Variants in FGF14 observed in about 807,000 individuals in gnomAD.
FGF14 encodes fibroblast growth factor homologous factor 4.
In FGF14, 5 loss-of-function variants were observed where a neutral mutation model predicts 25.5. The observed-to-expected ratio is 0.20, with a 90% CI of 0.10 to 0.41. The LOEUF is 0.41. Among genes scored for constraint, FGF14 ranks in the 10% least tolerant of loss-of-function variants. The pLI is 1.00. For synonymous variants in FGF14, 138 were observed against 118.3 expected (o/e 1.17, Z -1.08); for missense variants, 222 against 320.1 (o/e 0.69, Z 2.34).
Position 101,803,138 on chromosome 13 carries a change from T to C in FGF14, c.408+65587A>G, listed in dbSNP as rs1306040516. Among the ~76,000 whole-genome samples the C allele has an allele frequency of 2.6e-5, 4 of 151,688 alleles. No homozygotes were observed. The East Asian group carries it at 5.8e-4, about 22-fold the overall frequency. The stretch of plus-strand genomic sequence containing the variant: ...GCTGTCATTTTGAAACTTTTTTTTT[T>C]TTTTTTTTGAGACAAGGTCCTTCTC... On this transcript the variant is annotated intron_variant, in intron 3 of 4. Transcript: ENST00000376143.
chr13:101,760,521 C>T (rs2037950930), intron 3 of FGF14, among the ~76,000 whole-genome samples: 1 of 152,162 alleles, frequency 6.6e-6, no homozygotes, highest in African/African-American at 2.4e-5. Flanking sequence ...CAGTGTTTCA[C>T]GTGCTCAAAG....
chr13:102,211,833 G>C (rs2050174207), intron 1 of FGF14, among the ~76,000 whole-genome samples: 1 of 152,184 alleles, frequency 6.6e-6, no homozygotes, highest in Non-Finnish European at 1.5e-5. Context: ...AAGCACTCTA[G>C]ATCGCTTTTC....
rs111299979 is a variant in FGF14 at position 101,714,766 on chromosome 13, T to C, written c.*8065A>G. 3.4e-4 allele frequency: 183 copies of C among 536,062 alleles called. 2 individuals are homozygous for C. Among genetic ancestry groups the C allele is most frequent in the African/African-American group, 3.1e-3 (161 of 52,692 alleles). 33.2% of individuals were successfully genotyped at this position (536,062 alleles called of 1,614,324 possible). On this transcript the variant is annotated 3_prime_UTR_variant, in exon 5 of 5. Transcript: ENST00000376143. ...GAATACAAGAGAATGAAGCTAAATT[T>C]TGTGATTATTTGGGATCCTTCCACA...
intron 3 of FGF14, among the ~76,000 whole-genome samples, chr13:101,733,834 T>C (rs2035988054): frequency 6.6e-6 from 1 of 151,590 alleles, no homozygotes; most frequent in Admixed American, 6.6e-5. Flanking sequence ...GATACAATAA[T>C]TTATTTATTA....
At chr13:102,168,833 T>C (rs902270013) in intron 1 of FGF14, among the ~76,000 whole-genome samples, 3 of 152,148 alleles carry the variant, frequency 2.0e-5, no homozygotes, top group African/African-American at 7.2e-5. Flanking sequence ...CTCCTCGAAC[T>C]GTTTTAGTCA....
At chr13:102,223,506 T>C (rs114888953) in intron 1 of FGF14, among the ~76,000 whole-genome samples, 1,553 of 152,296 alleles carry the variant, frequency 0.01, 31 homozygotes, top group African/African-American at 0.034. Context: ...TCCCTCTTAT[T>C]TAGATTTGAT....
At chr13:101,844,319 T>C (rs1428576081) in intron 3 of FGF14, among the ~76,000 whole-genome samples, 1 of 152,018 alleles carries the variant, frequency 6.6e-6, no homozygotes, top group Admixed American at 6.6e-5. Flanking sequence ...AACATGTTTG[T>C]TGCACTCTCA....
chr13:102,315,625 CT>C (rs1207305594), intron 1 of FGF14, among the ~76,000 whole-genome samples: 3 of 152,160 alleles, frequency 2.0e-5, no homozygotes, highest in South Asian at 2.1e-4. Flanking sequence ...TTTTAGCTGT[CT>C]TGTAATCCTT....
At chr13:101,757,531 C>T (rs1160475577) in intron 3 of FGF14, among the ~76,000 whole-genome samples, 1 of 152,184 alleles carries the variant, frequency 6.6e-6, no homozygotes, top group African/African-American at 2.4e-5. Context: ...GTAAGAATCA[C>T]TTCTCAGCCT....
chr13:101,879,558 G>C (rs991586599), intron 1 of FGF14, among the ~76,000 whole-genome samples: 28 of 152,098 alleles, frequency 1.8e-4, no homozygotes, highest in African/African-American at 6.5e-4. Context: ...AGAAGAATCA[G>C]GATAACCAAT....
chr13:102,165,293 GACCCA>G (rs2047949826), intron 1 of FGF14, among the ~76,000 whole-genome samples: 3 of 151,934 alleles, frequency 2.0e-5, no homozygotes, highest in Non-Finnish European at 4.4e-5. Context: ...AATACCATTT[GACCCA>G]GCCATCCCAT....
chr13:101,757,590 C>G (rs764266663), intron 3 of FGF14, among the ~76,000 whole-genome samples: 1 of 152,152 alleles, frequency 6.6e-6, no homozygotes, highest in Non-Finnish European at 1.5e-5. Flanking sequence ...TATGAGATGG[C>G]TACAGAAGAT....
intron 1 of FGF14, among the ~76,000 whole-genome samples, chr13:102,184,760 G>T (rs1439841483): frequency 6.6e-6 from 1 of 152,162 alleles, no homozygotes; most frequent in Non-Finnish European, 1.5e-5. Flanking sequence ...GGGTTGGTAT[G>T]AGAGTTCAGA....
rs527638183 is a variant in FGF14, at chr13:102,174,260, G to A, written c.208+227211C>T. On this transcript the variant is annotated intron_variant, in intron 1 of 4. Transcript: ENST00000376131. ...AGCAATTCTCCTACCTCAGTCTCCC[G>A]AGTAGCTGGGATTACAGGAGCATGC... 2.8e-4 allele frequency among the ~76,000 whole-genome samples: 43 copies of A among 150,986 alleles called. No individual in the cohort carries two copies. In the South Asian group the frequency reaches 7.9e-3, roughly 28 times the overall value.
intron 1 of FGF14, among the ~76,000 whole-genome samples, chr13:102,337,732 C>A (rs1236652011): frequency 6.6e-6 from 1 of 152,148 alleles, no homozygotes; most frequent in Non-Finnish European, 1.5e-5. Context: ...CCACCCCAAA[C>A]TTGAGCAACG....
intron 1 of FGF14, among the ~76,000 whole-genome samples, chr13:102,087,818 C>T (rs1458237395): frequency 6.6e-6 from 1 of 151,868 alleles, no homozygotes; most frequent in Non-Finnish European, 1.5e-5. Context: ...CAACTCTGTG[C>T]CTTCTCTGTG....
intron 1 of FGF14, among the ~76,000 whole-genome samples, chr13:102,093,997 T>A (rs2044282240): frequency 6.7e-6 from 1 of 149,644 alleles, no homozygotes. Flanking sequence ...TAAACTCTAA[T>A]ATGATTCAAG....
intron 1 of FGF14, among the ~76,000 whole-genome samples, chr13:101,936,695 C>T (rs2035128190): frequency 6.6e-6 from 1 of 152,116 alleles, no homozygotes; most frequent in Non-Finnish European, 1.5e-5. Context: ...TTTCTTGTTT[C>T]CAGAGCAAGC....
At chr13:101,813,730 T>C (rs927478415) in intron 3 of FGF14, among the ~76,000 whole-genome samples, 4 of 152,208 alleles carry the variant, frequency 2.6e-5, no homozygotes, top group Admixed American at 6.5e-5. Context: ...AACAGATGTA[T>C]TTAAAATTAA....
Sources: gnomAD v4.1 joint callset for allele counts (sites outside exome capture counted in the v4.1 genomes callset) on GRCh38, gnomAD v4.1.1 for gene constraint, MANE v1.5 for transcripts, NCBI Gene and HGNC (gene_info 2026-07-23, HGNC 2026-07-21) for gene names.